The following CFTR variants were observed in gnomAD, a reference collection of about 807,000 sequenced individuals.
CFTR encodes cystic fibrosis transmembrane conductance regulator.
A neutral mutation model predicts 171.6 loss-of-function variants in CFTR; 181 were observed. The observed-to-expected ratio is 1.05, with a 90% CI of 0.93 to 1.19. The LOEUF (loss-of-function observed/expected upper bound fraction) is 1.19. Among genes scored for constraint, CFTR ranks in the 50% most tolerant of loss-of-function variants. The pLI is 0.00. For missense variants in CFTR, 1,968 were observed against 1,734.7 expected, an observed-to-expected ratio of 1.13 and a Z score of -2.39; for synonymous variants, 583 against 608.0, an observed-to-expected ratio of 0.96 and a Z score of 0.60.
intron 1 of CFTR, among the ~76,000 whole-genome samples, chr7:117,503,455 C>T (rs1798363880): frequency 6.6e-6 from 1 of 152,216 alleles, no homozygotes; most frequent in Non-Finnish European, 1.5e-5. Context: ...TCTGCCTCCT[C>T]TTCTACTTTC....
At chr7:117,625,741 A>G (rs545478871) in intron 21 of CFTR, among the ~76,000 whole-genome samples, 2 of 152,286 alleles carry the variant, frequency 1.3e-5, no homozygotes, top group Non-Finnish European at 2.9e-5. Context: ...AAATACAATA[A>G]GATATTTTAA....
chr7:117,505,554 C>A (rs1317519188), intron 2 of CFTR, among the ~76,000 whole-genome samples: 4 of 152,052 alleles, frequency 2.6e-5, no homozygotes, highest in Admixed American at 2.6e-4. Flanking sequence ...TTGCTCCTAT[C>A]TTTAAGGACC....
chr7:117,491,789 C>CTTAGGTACCGGGGG (rs1426739741), intron 1 of CFTR, among the ~76,000 whole-genome samples: 1 of 152,052 alleles, frequency 6.6e-6, no homozygotes, highest in African/African-American at 2.4e-5. Flanking sequence ...AGGTCACATC[C>CTTAGGTACCGGGGG]TTAGGTACCG....
At chr7:117,574,809 C>T (rs978738511) in intron 11 of CFTR, among the ~76,000 whole-genome samples, 1 of 152,042 alleles carries the variant, frequency 6.6e-6, no homozygotes, top group African/African-American at 2.4e-5. Flanking sequence ...TATTTAGTAG[C>T]TTTTTTGTGT....
chr7:117,531,689 A>C (rs1798868778), intron 4 of CFTR, among the ~76,000 whole-genome samples: 1 of 152,112 alleles, frequency 6.6e-6, no homozygotes, highest in Admixed American at 6.6e-5. Context: ...TTGTCCAGAC[A>C]AGAGACCAAA....
Position 117,652,440 on chromosome 7 carries a change from G to A in CFTR, c.3874-402G>A, listed in dbSNP as rs562690168. ...CCAAGGAAATACATTAACAAACTAG[G>A]AATTTGTTCTAACAGGTTAATTATA... On this transcript the variant is annotated intron_variant, in intron 23 of 26. Transcript: ENST00000003084. 2.6e-5 allele frequency among the ~76,000 whole-genome samples: 4 copies of A among 152,202 alleles called. No individual in the cohort carries two copies. The South Asian group carries it at 6.2e-4, about 24-fold the overall frequency.
At chr7:117,664,441 A>G (rs1426971291) in intron 24 of CFTR, among the ~76,000 whole-genome samples, 2 of 152,230 alleles carry the variant, frequency 1.3e-5, no homozygotes, top group African/African-American at 4.8e-5. Context: ...GGCACGTAAT[A>G]GACACTCATT....
intron 24 of CFTR, among the ~76,000 whole-genome samples, chr7:117,661,676 G>A (rs961198857): frequency 2.3e-4 from 35 of 152,134 alleles, no homozygotes; most frequent in African/African-American, 7.2e-4. Flanking sequence ...TTCAGTTCCT[G>A]AGCCCATGTC....
At chr7:117,582,241 G>T (rs539650617) in intron 11 of CFTR, among the ~76,000 whole-genome samples, 1 of 152,224 alleles carries the variant, frequency 6.6e-6, no homozygotes, top group South Asian at 2.1e-4. Flanking sequence ...GAGCTGTTAA[G>T]TAACTGAGAT....
chr7:117,537,653 T>G (rs1328243173), intron 7 of CFTR, among the ~76,000 whole-genome samples: 3 of 152,206 alleles, frequency 2.0e-5, no homozygotes, highest in Non-Finnish European at 2.9e-5. Context: ...AAAGAAATGC[T>G]GAAATATTAA....
At chr7:117,634,679 T>A (rs1385266484) in intron 22 of CFTR, among the ~76,000 whole-genome samples, 2 of 152,144 alleles carry the variant, frequency 1.3e-5, no homozygotes, top group African/African-American at 2.4e-5. Context: ...GAAATATTTT[T>A]AAATTTCTCT....
chr7:117,665,509 C>G lies in CFTR; in HGVS notation c.4187C>G (p.Thr1396Arg), dbSNP rs1282831495. 6.2e-7 allele frequency: 1 copy of G among 1,613,370 alleles called. No homozygotes were observed. The highest frequency in any genetic ancestry group is 1.7e-5 in the Admixed American group (1 of 59,986). The part of the protein sequence containing the change: ...RTLKQAFADC[T>R]VILCEHRIEA... ...CTAAAACAAGCATTTGCTGATTGCA[C>G]AGTAATTCTCTGTGAACACAGGATA... The change falls in exon 26 of 27, where the codon ACA becomes AGA. Residue 1396 changes from threonine to arginine, a missense_variant. By Grantham distance (71) the Thr-to-Arg change is moderately conservative. Transcript: ENST00000003084.
intron 22 of CFTR, among the ~76,000 whole-genome samples, chr7:117,635,302 TC>T (rs1792809386): frequency 6.6e-6 from 1 of 152,126 alleles, no homozygotes; most frequent in Non-Finnish European, 1.5e-5. Context: ...ACTTTCTTTA[TC>T]CCCCTTACTT....
intron 10 of CFTR, among the ~76,000 whole-genome samples, chr7:117,549,395 A>G (rs1487820750): frequency 6.6e-6 from 1 of 152,196 alleles, no homozygotes; most frequent in Non-Finnish European, 1.5e-5. Context: ...AACCTGGCAT[A>G]TTTGGAGATA....
Position 117,589,349 on chromosome 7 carries a change from T to A in CFTR, c.1680-1004T>A, listed in dbSNP as rs556828603. The stretch of plus-strand genomic sequence containing the variant: ...CTTTTAAAGTTTTGCCATTGGTTTT[T>A]AAAAAAATTTTTAAATTGGCTTTAA... On this transcript the variant is annotated intron_variant, in intron 12 of 26. Coordinates refer to ENST00000003084, the MANE Select transcript of CFTR (RefSeq NM_000492.4). 6.6e-5 allele frequency among the ~76,000 whole-genome samples: 10 copies of A among 152,134 alleles called. No homozygotes were observed. In the East Asian group the frequency reaches 1.7e-3, roughly 26 times the overall value.
At position 117,590,347 on chromosome 7, in the gene CFTR, T is replaced by G. The variant is rs949851823; in HGVS notation, c.1680-6T>G. On this transcript the variant is annotated splice_polypyrimidine_tract_variant and splice_region_variant and intron_variant, in intron 12 of 26. Coordinates refer to ENST00000003084, the MANE Select transcript of CFTR (RefSeq NM_000492.4). ...AAATGTAATTTAATTTCCATTTTCT[T>G]TTTAGAGCAGTATACAAAGATGCTG... The G allele has an allele frequency of 2.5e-6, 4 of 1,601,764 alleles. No individual in the cohort carries two copies. The African/African-American group carries it at 5.4e-5, about 21-fold the overall frequency.
At chr7:117,574,035 T>C (rs3808185) in intron 11 of CFTR, among the ~76,000 whole-genome samples, 28,117 of 151,964 alleles carry the variant, frequency 0.19, 3,123 homozygotes, top group East Asian at 0.42. Flanking sequence ...TATGATAGCA[T>C]CAAGTGGAAT....
At chr7:117,561,748 A>C in intron 11 of CFTR, among the ~76,000 whole-genome samples, 1 of 152,166 alleles carries the variant, frequency 6.6e-6, no homozygotes, top group East Asian at 1.9e-4. Flanking sequence ...GGAAAGATTG[A>C]CATATCAATA....
chr7:117,540,464 G>T lies in CFTR; in HGVS notation c.1116+118G>T, dbSNP rs1799035988. The stretch of plus-strand genomic sequence containing the variant: ...TAGAAAAAGAAATTTCCTTCACTAG[G>T]AAGTTATAAAAGTTGCCAGCTAATA... On this transcript the variant is annotated intron_variant, in intron 8 of 26. Coordinates refer to ENST00000003084, the MANE Select transcript of CFTR (RefSeq NM_000492.4). 3.1e-6 allele frequency: 3 copies of T among 957,526 alleles called. No homozygotes were observed. In the African/African-American group the frequency reaches 4.9e-5, roughly 16 times the overall value. 59.3% of individuals were successfully genotyped at this position (957,526 alleles called of 1,614,324 possible). A position where few individuals can be genotyped will look rare whatever the true frequency, so the allele number is the denominator to read the frequency against.
Sources: allele counts gnomAD v4.1 joint callset (sites outside exome capture counted in the v4.1 genomes callset), GRCh38; gene constraint gnomAD v4.1.1; transcripts MANE v1.5; gene names NCBI Gene and HGNC (gene_info 2026-07-23, HGNC 2026-07-21).